NTPCR: variants seen among roughly 807,000 people sequenced by gnomAD.
The protein encoded by NTPCR is nucleoside-triphosphatase, cancer-related.
Under a neutral mutation model 19.5 loss-of-function variants are expected in NTPCR, and 15 were observed. The ratio of observed to expected loss-of-function variants is 0.77; its 90% CI spans 0.51 to 1.18. The LOEUF (loss-of-function observed/expected upper bound fraction) is 1.18. NTPCR is among the 50% of genes most tolerant of loss of function. The pLI is 0.00. For synonymous variants in NTPCR, 90 were observed against 95.8 expected, an observed-to-expected ratio of 0.94 and a Z score of 0.36; for missense variants, 206 against 240.4, an observed-to-expected ratio of 0.86 and a Z score of 0.95.
intron 2 of NTPCR, among the ~76,000 whole-genome samples, chr1:232,955,944 GAGAA>G (rs1361279007): frequency 3.3e-5 from 5 of 152,128 alleles, no homozygotes; most frequent in African/African-American, 1.2e-4. Context: ...GGATTTCTCA[GAGAA>G]AGAAAACAGA....
intron 4 of NTPCR, chr1:232,977,584 A>C (rs1669158988): frequency 6.6e-6 from 1 of 152,374 alleles, no homozygotes; most frequent in South Asian, 2.1e-4. Flanking sequence ...TAAGTGTTGG[A>C]GAACACACTG....
At chr1:232,969,794 A>G (rs1352595866) in intron 3 of NTPCR, 115 bp from the exon 4 acceptor site, 1 of 829,350 alleles carries the variant, frequency 1.2e-6, no homozygotes, top group Non-Finnish European at 2.0e-6. Flanking sequence ...TTTGAAATCC[A>G]GTAAAAAGGT....
rs139374452 is a variant in NTPCR, at chr1:232,955,679, G to A, written c.157G>A (p.Val53Ile). ...QGGRRIGFDV[V>I]TLSGTRGPLS... The stretch of plus-strand genomic sequence containing the variant: ...AGGGAGAAGAATAGGATTCGATGTC[G>A]TCACGTTGTCCGGCACCCGGGGGCC... The change falls in exon 2 of 5, where the codon GTC (valine) becomes ATC (isoleucine). Residue 53 changes from valine (V) to isoleucine (I), a missense_variant. By Grantham distance (29) the Val-to-Ile change is conservative (BLOSUM62 3). Coordinates refer to ENST00000366628, the MANE Select transcript of NTPCR (RefSeq NM_032324.3). 81 of 1,613,960 alleles carry A rather than the reference G, an allele frequency of 5.0e-5. No homozygotes were observed. In the African/African-American group the frequency reaches 7.9e-4, roughly 16 times the overall value.
intron 1 of NTPCR, among the ~76,000 whole-genome samples, chr1:232,955,301 A>G (rs1045830505): frequency 5.3e-5 from 8 of 152,204 alleles, no homozygotes; most frequent in African/African-American, 1.2e-4. Flanking sequence ...AAAATTAACA[A>G]TGTTTCACAA....
intron 4 of NTPCR, chr1:232,976,202 C>A: frequency 1.0e-6 from 1 of 967,938 alleles, no homozygotes; most frequent in Non-Finnish European, 1.4e-6. Flanking sequence ...TGTTTCAGTG[C>A]ATGTATACAT....
At position 232,982,853 on chromosome 1, in the gene NTPCR, T is replaced by C. The variant is rs1272057599; in HGVS notation, c.*4622T>C. On this transcript the variant is annotated 3_prime_UTR_variant, in exon 5 of 5. Coordinates refer to ENST00000366628, the MANE Select transcript of NTPCR (RefSeq NM_032324.3). ...CCATTTAGCCCTTGGGGCTTGGCTGTAAAGTTGCCCAAGAGGATTACAGGA... is the reference window on the plus strand; with the variant it reads ...CCATTTAGCCCTTGGGGCTTGGCTGCAAAGTTGCCCAAGAGGATTACAGGA... 2 of 152,212 alleles carry C rather than the reference T, an allele frequency of 1.3e-5. No individual in the cohort carries two copies. The highest frequency in any genetic ancestry group is 1.3e-4 in the Admixed American group (2 of 15,280). 9.4% of individuals were successfully genotyped at this position (152,212 alleles called of 1,614,324 possible).
At chr1:232,969,673 G>T in intron 3 of NTPCR, 1 of 449,660 alleles carries the variant, frequency 2.2e-6, no homozygotes, top group Non-Finnish European at 4.1e-6. Flanking sequence ...ACTGGTGACA[G>T]GCATAGCTGC....
chr1:232,953,336 C>A (rs1668425583), intron 1 of NTPCR, among the ~76,000 whole-genome samples: 1 of 152,164 alleles, frequency 6.6e-6, no homozygotes, highest in Non-Finnish European at 1.5e-5. Flanking sequence ...TCTCCTGAAG[C>A]AGAGGTCATT....
At chr1:232,960,213 C>CA (rs755184503) in intron 3 of NTPCR, among the ~76,000 whole-genome samples, 3,717 of 27,084 alleles carry the variant, frequency 0.14, 556 homozygotes, top group African/African-American at 0.29. Flanking sequence ...GACTCCATCT[C>CA]AAAAAAAAAA....
Position 232,981,225 on chromosome 1 carries a change from A to G in NTPCR, c.*2994A>G, listed in dbSNP as rs1175580570. Reference sequence around the variant, plus strand: ...AGATGGGTGAGTCTTTTAAATGGATAGTGTCATCTCTGATGATCAGCCTTG... The same window carrying G: ...AGATGGGTGAGTCTTTTAAATGGATGGTGTCATCTCTGATGATCAGCCTTG... On this transcript the variant is annotated 3_prime_UTR_variant, in exon 5 of 5. Transcript: ENST00000366628. The G allele has an allele frequency of 6.6e-6, 1 of 152,182 alleles. No individual in the cohort carries two copies. Among genetic ancestry groups the G allele is most frequent in the Non-Finnish European group, 1.5e-5 (1 of 68,034 alleles). 9.4% of individuals were successfully genotyped at this position (152,182 alleles called of 1,614,324 possible). A position where few individuals can be genotyped will look rare whatever the true frequency, so the allele number is the denominator to read the frequency against.
In NTPCR at chr1:232,980,362, A is replaced by G. The variant is rs1161107637; in HGVS notation, c.*2131A>G. ...AGGAGCACAGTGATAGCGGTGACAAAGGAGATTTGAACCCACGTCTGCGTG... is the reference window on the plus strand; with the variant it reads ...AGGAGCACAGTGATAGCGGTGACAAGGGAGATTTGAACCCACGTCTGCGTG... On this transcript the variant is annotated 3_prime_UTR_variant, in exon 5 of 5. Coordinates refer to ENST00000366628, the MANE Select transcript of NTPCR (RefSeq NM_032324.3). 1 of 152,210 alleles carries G rather than the reference A, an allele frequency of 6.6e-6. No individual in the cohort carries two copies. Among genetic ancestry groups the G allele is most frequent in the Non-Finnish European group, 1.5e-5 (1 of 68,054 alleles). The allele number at this position is 152,210 out of a possible 1,614,324, so 9.4% of individuals were successfully genotyped here. A position where few individuals can be genotyped will look rare whatever the true frequency, so the allele number is the denominator to read the frequency against.
At position 232,980,375 on chromosome 1, in the gene NTPCR, C is replaced by T. The variant is rs1019213934; in HGVS notation, c.*2144C>T. On this transcript the variant is annotated 3_prime_UTR_variant, in exon 5 of 5. Transcript: ENST00000366628. ...TAGCGGTGACAAAGGAGATTTGAAC[C>T]CACGTCTGCGTGGCTCCAAAGTTCA... 1.3e-4 allele frequency: 20 copies of T among 152,146 alleles called. No individual in the cohort carries two copies. The highest frequency in any genetic ancestry group is 4.8e-4 in the African/African-American group (20 of 41,426). 9.4% of individuals were successfully genotyped at this position (152,146 alleles called of 1,614,324 possible). A position where few individuals can be genotyped will look rare whatever the true frequency, so the allele number is the denominator to read the frequency against.
At chr1:232,976,416 C>G (rs971621504) in intron 4 of NTPCR, 4 of 1,550,600 alleles carry the variant, frequency 2.6e-6, no homozygotes, top group Non-Finnish European at 3.5e-6. Flanking sequence ...CAGAGCCTGG[C>G]TGGAGGCAGA....
At position 232,980,518 on chromosome 1, in the gene NTPCR, C is replaced by T. The variant is rs888356034; in HGVS notation, c.*2287C>T. 1 of 152,178 alleles carries T rather than the reference C, an allele frequency of 6.6e-6. No individual in the cohort carries two copies. Among genetic ancestry groups the T allele is most frequent in the Non-Finnish European group, 1.5e-5 (1 of 68,040 alleles). The allele number at this position is 152,178 out of a possible 1,614,324, so 9.4% of individuals were successfully genotyped here. A position where few individuals can be genotyped will look rare whatever the true frequency, so the allele number is the denominator to read the frequency against. ...GATAAACTGCTGTAAATCCAAAGAACGTTTAGTGTCTCTTGTGGTGAGGTC... is the reference window on the plus strand; with the variant it reads ...GATAAACTGCTGTAAATCCAAAGAATGTTTAGTGTCTCTTGTGGTGAGGTC... On this transcript the variant is annotated 3_prime_UTR_variant, in exon 5 of 5. Transcript: ENST00000366628.
At chr1:232,977,637 A>G (rs1277319107) in intron 4 of NTPCR, 1 of 154,324 alleles carries the variant, frequency 6.5e-6, no homozygotes, top group Non-Finnish European at 1.4e-5. Flanking sequence ...AGGCACCCTC[A>G]CGTCTCTGGC....
intron 3 of NTPCR, chr1:232,962,551 G>C (rs893424050): frequency 4.6e-5 from 7 of 152,290 alleles, no homozygotes; most frequent in African/African-American, 1.4e-4. Context: ...TGCAATGTAA[G>C]ATGTAACATT....
Position 232,981,750 on chromosome 1 carries a change from C to T in NTPCR, c.*3519C>T, listed in dbSNP as rs1213093922. 7.0e-6 allele frequency: 1 copy of T among 142,202 alleles called. No homozygotes were observed. Among genetic ancestry groups the T allele is most frequent in the Non-Finnish European group, 1.5e-5 (1 of 66,330 alleles). 8.8% of individuals were successfully genotyped at this position (142,202 alleles called of 1,614,324 possible). ...TTTTTTTTTTTGAGACAGAGTCTCA[C>T]TCTGTCGCTTGAGCTGGAGTGCAGT... On this transcript the variant is annotated 3_prime_UTR_variant, in exon 5 of 5. Transcript: ENST00000366628.
chr1:232,952,904 T>G (rs892940897), intron 1 of NTPCR, among the ~76,000 whole-genome samples: 6 of 152,188 alleles, frequency 3.9e-5, no homozygotes, highest in African/African-American at 1.4e-4. Context: ...GAGGGCTTTC[T>G]CTGGTCCCTG....
intron 4 of NTPCR, 24 bp from the exon 5 acceptor site, chr1:232,978,139 C>T: frequency 6.2e-7 from 1 of 1,600,242 alleles, no homozygotes; most frequent in Non-Finnish European, 8.6e-7. Flanking sequence ...GCTCTGAAGC[C>T]TGTTCTCTCA....
Sources: allele counts gnomAD v4.1 joint callset (sites outside exome capture counted in the v4.1 genomes callset), GRCh38; gene constraint gnomAD v4.1.1; transcripts MANE v1.5; gene names NCBI Gene and HGNC (gene_info 2026-07-23, HGNC 2026-07-21).